Variants in NDRG1 observed in about 807,000 individuals in gnomAD.
NDRG1 encodes the protein N-myc downstream regulated 1.
NDRG1 carries 32 observed loss-of-function variants against 56.9 expected under a neutral mutation model. That is an observed-to-expected ratio of 0.56 (90% confidence interval 0.42 to 0.76). The LOEUF is 0.76. Among genes scored for constraint, NDRG1 ranks in the 30% least tolerant of loss-of-function variants. The pLI is 0.00. For synonymous variants in NDRG1, 211 were observed against 204.1 expected, an observed-to-expected ratio of 1.03 and a Z score of -0.29; for missense variants, 507 against 545.7, an observed-to-expected ratio of 0.93 and a Z score of 0.71.
chr8:133,274,938 G>A (rs1296430067), intron 3 of NDRG1, among the ~76,000 whole-genome samples: 1 of 152,186 alleles, frequency 6.6e-6, no homozygotes. Context: ...CCTCAGTGCT[G>A]GCCTGGCTCA....
At chr8:133,262,213 A>G (rs1856696873) in intron 4 of NDRG1, 46 bp from the exon 5 acceptor site, 4 of 1,612,096 alleles carry the variant, frequency 2.5e-6, no homozygotes, top group Admixed American at 1.7e-5. Context: ...GTAAGATGAG[A>G]AAAAAATTAG....
rs1169615813 is a variant in NDRG1, at chr8:133,266,481, G to A, written c.100-1829C>T. Among the ~76,000 whole-genome samples the A allele has an allele frequency of 5.9e-5, 9 of 152,294 alleles. No homozygotes were observed. In the South Asian group the frequency reaches 1.5e-3, roughly 25 times the overall value. ...ATCACCACTTAGGCACCCTGTGGGG[G>A]CAAGTCACCTCCTCCCCAGCTTGAA... On this transcript the variant is annotated intron_variant, in intron 3 of 15. Coordinates refer to ENST00000323851, the MANE Select transcript of NDRG1 (RefSeq NM_006096.4).
At chr8:133,267,094 C>T (rs1198616743) in intron 3 of NDRG1, among the ~76,000 whole-genome samples, 1 of 152,158 alleles carries the variant, frequency 6.6e-6, no homozygotes, top group African/African-American at 2.4e-5. Context: ...AACCCCGAAG[C>T]CAGCCAGCCC....
chr8:133,279,016 A>G (rs1436787741), intron 3 of NDRG1, among the ~76,000 whole-genome samples: 1 of 151,586 alleles, frequency 6.6e-6, no homozygotes, highest in Non-Finnish European at 1.5e-5. Flanking sequence ...TCAGCCCCCA[A>G]GTAGCTGGGG....
At chr8:133,288,478 C>T (rs1002303615) in intron 1 of NDRG1, 4 of 152,276 alleles carry the variant, frequency 2.6e-5, no homozygotes, top group Non-Finnish European at 5.9e-5. Flanking sequence ...TTTGGCGGCT[C>T]GAGCTGGTGC....
intron 14 of NDRG1, 35 bp from the exon 15 acceptor site, chr8:133,242,109 G>T: frequency 6.2e-7 from 1 of 1,613,466 alleles, no homozygotes; most frequent in Non-Finnish European, 8.5e-7. Context: ...GCAGTCAGTT[G>T]CTGGGGAGCC....
chr8:133,239,507 G>A, intron 15 of NDRG1: 1 of 324,510 alleles, frequency 3.1e-6, no homozygotes. Flanking sequence ...ACCCCATGCT[G>A]TCCATGATCA....
Position 133,238,922 on chromosome 8 carries a change from C to T in NDRG1, c.1141G>A (p.Ala381Thr). Residue 381 changes from alanine (A) to threonine (T), a missense_variant, in exon 16 of 16, where the codon GCT (alanine) becomes ACT (threonine). Physicochemically the swap from Ala to Thr is moderately conservative, Grantham distance 58. Coordinates refer to ENST00000323851, the MANE Select transcript of NDRG1 (RefSeq NM_006096.4). ...HLDITPNSGA[A>T]GNSAGPKSME... is the part of the protein sequence containing the mutation. ...GACTTGGGCCCGGCGCTGTTCCCAG[C>T]AGCACCCGAGTTGGGGGTGATGTCC... 2 of 1,563,370 alleles carry T rather than the reference C, an allele frequency of 1.3e-6. No individual in the cohort carries two copies. Among genetic ancestry groups the T allele is most frequent in the Non-Finnish European group, 1.7e-6 (2 of 1,154,450 alleles).
chr8:133,269,774 T>C (rs1477352968), intron 3 of NDRG1, among the ~76,000 whole-genome samples: 1 of 152,240 alleles, frequency 6.6e-6, no homozygotes, highest in African/African-American at 2.4e-5. Flanking sequence ...CCCACACTTA[T>C]TTGACTGCAA....
chr8:133,249,179 T>C, intron 10 of NDRG1: 1 of 323,242 alleles, frequency 3.1e-6, no homozygotes, highest in Non-Finnish European at 6.0e-6. Flanking sequence ...CTGAGTCCTC[T>C]ATAAAGCACC....
At chr8:133,250,931 G>A (rs182761316) in intron 9 of NDRG1, among the ~76,000 whole-genome samples, 3 of 150,220 alleles carry the variant, frequency 2.0e-5, no homozygotes, top group Non-Finnish European at 3.0e-5. Context: ...AAAAAAAAGG[G>A]AAGAGAGAGA....
intron 3 of NDRG1, 99 bp from the exon 4 acceptor site, chr8:133,264,751 C>G (rs1343501633): frequency 4.8e-6 from 5 of 1,036,422 alleles, no homozygotes; most frequent in Non-Finnish European, 7.6e-6. Context: ...TTTGAGGAAG[C>G]TCTCTTCTCA....
intron 9 of NDRG1, among the ~76,000 whole-genome samples, chr8:133,251,814 G>A (rs1008925922): frequency 6.6e-5 from 10 of 152,242 alleles, no homozygotes; most frequent in Non-Finnish European, 2.9e-5. Flanking sequence ...ATCTTGAGAT[G>A]AGATAATCCT....
intron 9 of NDRG1, among the ~76,000 whole-genome samples, chr8:133,252,050 A>G (rs951542229): frequency 1.3e-4 from 20 of 152,210 alleles, no homozygotes. Context: ...AGCGCTTGAC[A>G]TCGGAGTTCT....
intron 11 of NDRG1, among the ~76,000 whole-genome samples, chr8:133,248,251 G>A (rs1040938292): frequency 3.9e-5 from 6 of 152,190 alleles, no homozygotes; most frequent in Non-Finnish European, 8.8e-5. Flanking sequence ...AGGCAATGAC[G>A]TGCCAGGTTC....
intron 11 of NDRG1, among the ~76,000 whole-genome samples, chr8:133,248,442 T>C (rs1002996231): frequency 1.2e-4 from 19 of 152,190 alleles, no homozygotes; most frequent in African/African-American, 4.6e-4. Context: ...GTTATTGATG[T>C]AGTAGGTGCT....
At chr8:133,254,866 G>C (rs911771087) in intron 8 of NDRG1, 11 of 493,184 alleles carry the variant, frequency 2.2e-5, no homozygotes, top group Non-Finnish European at 4.1e-5. Context: ...GCTGAATAAA[G>C]ACCCAGCTAC....
intron 3 of NDRG1, among the ~76,000 whole-genome samples, chr8:133,273,078 G>A (rs547769331): frequency 2.0e-5 from 3 of 152,268 alleles, no homozygotes; most frequent in East Asian, 1.9e-4. Context: ...AGCCCTGCCC[G>A]GCCCTGGTGC....
chr8:133,250,572 C>G (rs1165582805), intron 9 of NDRG1, 29 bp from the exon 10 acceptor site: 1 of 1,577,516 alleles, frequency 6.3e-7, no homozygotes, highest in Non-Finnish European at 8.7e-7. Flanking sequence ...GAAGATGGTC[C>G]TCATCGCACT....
Sources: allele counts gnomAD v4.1 joint callset (sites outside exome capture counted in the v4.1 genomes callset), GRCh38; gene constraint gnomAD v4.1.1; transcripts MANE v1.5; gene names NCBI Gene and HGNC (gene_info 2026-07-23, HGNC 2026-07-21).